Variants in SEL1L2 observed in about 807,000 individuals in gnomAD.
SEL1L2 encodes protein sel-1 homolog 2.
SEL1L2 carries 89 observed loss-of-function variants against 98.8 expected under a neutral mutation model. The observed-to-expected ratio is 0.90, with a 90% CI of 0.76 to 1.07. The LOEUF (loss-of-function observed/expected upper bound fraction) is 1.07. SEL1L2 is among the 50% of genes least tolerant of loss of function. The pLI is 0.00. For synonymous variants in SEL1L2, 262 were observed against 278.5 expected (o/e 0.94, Z 0.59); for missense variants, 788 against 812.0 (o/e 0.97, Z 0.36).
At chr20:13,931,825 T>C (rs1002400241) in intron 2 of SEL1L2, 54 bp from the exon 3 acceptor site, 1 of 1,366,004 alleles carries the variant, frequency 7.3e-7, no homozygotes, top group East Asian at 2.7e-5. Context: ...TTTTTTCAAA[T>C]GAAACAACAG....
chr20:13,961,937 C>T (rs1298606498), intron 1 of SEL1L2, among the ~76,000 whole-genome samples: 1 of 152,132 alleles, frequency 6.6e-6, no homozygotes, highest in African/African-American at 2.4e-5. Flanking sequence ...TTCCAGTGTA[C>T]ATTGGGTATG....
At chr20:13,901,071 C>CTTTTTTTTTTTTTTTTT (rs746353560) in intron 5 of SEL1L2, among the ~76,000 whole-genome samples, 2 of 133,302 alleles carry the variant, frequency 1.5e-5, no homozygotes, top group Admixed American at 7.6e-5. Context: ...TTCTTTCTTT[C>CTTTTTTTTTTTTTTTTT]TTTCTTTTTT....
intron 2 of SEL1L2, among the ~76,000 whole-genome samples, chr20:13,946,647 C>G (rs370055127): frequency 5.3e-5 from 8 of 152,344 alleles, no homozygotes; most frequent in Admixed American, 2.6e-4. Flanking sequence ...CCGAGTTGGC[C>G]AGGTGGGAGC....
At chr20:13,852,697 T>C (rs1264121408) in intron 18 of SEL1L2, among the ~76,000 whole-genome samples, 1 of 152,252 alleles carries the variant, frequency 6.6e-6, no homozygotes, top group African/African-American at 2.4e-5. Flanking sequence ...AACATGTTTT[T>C]AACTAAAATG....
rs8122826 is a variant in SEL1L2 at position 13,968,494 on chromosome 20, C to A, written c.59-12363G>T. 8.0e-3 allele frequency among the ~76,000 whole-genome samples: 1,213 copies of A among 152,254 alleles called. 19 individuals are homozygous for A. The highest frequency in any genetic ancestry group is 0.027 in the African/African-American group (1,122 of 41,530). On this transcript the variant is annotated intron_variant, in intron 1 of 19. Coordinates refer to ENST00000284951, the MANE Select transcript of SEL1L2 (RefSeq NM_025229.2). ...AATGCAAATTATAAATGAGAGTATGCGGTGGAACATATTAACTGATGACAA... is the reference window on the plus strand; with the variant it reads ...AATGCAAATTATAAATGAGAGTATGAGGTGGAACATATTAACTGATGACAA...
upstream of SEL1L2, chr20:13,995,044 AG>A (rs1408503696): frequency 6.6e-6 from 1 of 152,276 alleles, no homozygotes; most frequent in Non-Finnish European, 1.5e-5. The surrounding 1 kb of genome is among the most constrained non-coding windows in gnomAD (Gnocchi z 4.3). Context: ...CCTCCTCAAC[AG>A]GGCAGTTGGA....
At chr20:13,898,662 C>A (rs1255540318) in intron 5 of SEL1L2, among the ~76,000 whole-genome samples, 4 of 152,190 alleles carry the variant, frequency 2.6e-5, no homozygotes, top group African/African-American at 9.6e-5. Flanking sequence ...GTCCATTCTT[C>A]ATTTATGGGT....
At chr20:13,933,529 T>G (rs2049253681) in intron 2 of SEL1L2, among the ~76,000 whole-genome samples, 2 of 152,222 alleles carry the variant, frequency 1.3e-5, no homozygotes, top group African/African-American at 4.8e-5. Context: ...TATGTGATTT[T>G]TGTGTGTGAC....
At chr20:13,929,862 C>T (rs1450328126) in intron 3 of SEL1L2, among the ~76,000 whole-genome samples, 2 of 152,080 alleles carry the variant, frequency 1.3e-5, no homozygotes, top group East Asian at 1.9e-4. Flanking sequence ...GCAATCTCAG[C>T]TCACTGCAGC....
chr20:13,907,738 C>CTTTCTT lies in SEL1L2; in HGVS notation c.549+6038_549+6043dup, dbSNP rs1555880139. ...TCTTTCTTTCTTTCTTTCTTTCTTT[C>CTTTCTT]TTTCTTTCTTTTCTTTTCTTTTCTT... is the stretch of plus-strand genomic sequence containing the variant. On this transcript the variant is annotated intron_variant, in intron 5 of 19. Coordinates refer to ENST00000284951, the MANE Select transcript of SEL1L2 (RefSeq NM_025229.2). 4.4e-3 allele frequency among the ~76,000 whole-genome samples: 456 copies of CTTTCTT among 104,268 alleles called. 2 individuals are homozygous for CTTTCTT. Among genetic ancestry groups the CTTTCTT allele is most frequent in the Non-Finnish European group, 6.8e-3 (347 of 51,012 alleles). 68.4% of individuals were successfully genotyped at this position (104,268 alleles called of 152,430 possible).
chr20:13,906,855 T>C (rs2047955347), intron 5 of SEL1L2, among the ~76,000 whole-genome samples: 1 of 152,088 alleles, frequency 6.6e-6, no homozygotes, highest in African/African-American at 2.4e-5. Context: ...ATTTTTGTAT[T>C]TTTAGTAGAG....
intron 5 of SEL1L2, among the ~76,000 whole-genome samples, chr20:13,893,120 T>C (rs1180157635): frequency 6.6e-6 from 1 of 152,122 alleles, no homozygotes; most frequent in Non-Finnish European, 1.5e-5. Flanking sequence ...ACTGGTGAAA[T>C]GGTCATTTAA....
chr20:13,971,445 A>G (rs547960596), intron 1 of SEL1L2, among the ~76,000 whole-genome samples: 1 of 152,068 alleles, frequency 6.6e-6, no homozygotes, highest in African/African-American at 2.4e-5. Context: ...TGTTTTGTTG[A>G]GATGGGGTCT....
intron 5 of SEL1L2, among the ~76,000 whole-genome samples, chr20:13,910,636 G>A (rs1196575609): frequency 6.6e-6 from 1 of 152,156 alleles, no homozygotes; most frequent in Non-Finnish European, 1.5e-5. Flanking sequence ...AATAATTTGT[G>A]GCCAGTGGTT....
At chr20:13,932,431 TATTA>T (rs2049186547) in intron 2 of SEL1L2, among the ~76,000 whole-genome samples, 2 of 149,274 alleles carry the variant, frequency 1.3e-5, no homozygotes. Context: ...TTATTATTAT[TATTA>T]TTATTATTAT....
In SEL1L2 at chr20:13,913,960, A is replaced by G. The variant is rs1243076859; in HGVS notation, c.387-16T>C. 3 of 1,545,674 alleles carry G rather than the reference A, an allele frequency of 1.9e-6. No homozygotes were observed. Among genetic ancestry groups the G allele is most frequent in the African/African-American group, 1.4e-5 (1 of 70,030 alleles). ...TAGGTAGGCTCTGTTTCAAGAATAT[A>G]AAGTCAAGTTTGATTTTCAAAAATG... On this transcript the variant is annotated splice_polypyrimidine_tract_variant and intron_variant, in intron 4 of 19. Transcript: ENST00000284951.
At chr20:13,942,469 T>C (rs1442052291) in intron 2 of SEL1L2, among the ~76,000 whole-genome samples, 2 of 152,172 alleles carry the variant, frequency 1.3e-5, no homozygotes, top group Admixed American at 1.3e-4. Flanking sequence ...ACCTGAGGTC[T>C]ACAGAACCAG....
intron 2 of SEL1L2, among the ~76,000 whole-genome samples, chr20:13,942,220 G>T (rs2049813533): frequency 3.9e-5 from 6 of 152,154 alleles, no homozygotes; most frequent in Admixed American, 3.9e-4. Context: ...TTTCACAAAA[G>T]GGAGAAATGA....
rs761936835 is a variant in SEL1L2, at chr20:13,849,592, AT to A, written c.1959del (p.Arg653SerfsTer5). ...GTGTTGTCCAGTTTCAGCCAGTTCC[AT>A]CTCGTTGTGAACTGCTGGCAAGAGA... ...RDILFFNFTT[R>X]WNWLKLDNTI... is the part of the protein sequence containing the mutation. On this transcript the variant is annotated frameshift_variant, in exon 20 of 20. Transcript: ENST00000284951. LOFTEE classifies it high-confidence loss of function. 82 of 1,613,848 alleles carry A rather than the reference AT, an allele frequency of 5.1e-5. No individual in the cohort carries two copies. Among genetic ancestry groups the A allele is most frequent in the Non-Finnish European group, 6.4e-5 (75 of 1,179,924 alleles).
Sources: allele counts gnomAD v4.1 joint callset (sites outside exome capture counted in the v4.1 genomes callset), GRCh38; gene constraint gnomAD v4.1.1; non-coding constraint Gnocchi (gnomAD v3.1); transcripts MANE v1.5; gene names NCBI Gene and HGNC (gene_info 2026-07-23, HGNC 2026-07-21).